Variants in HTR1F observed in about 807,000 individuals in gnomAD.
The protein encoded by HTR1F is 5-hydroxytryptamine (serotonin) receptor 1F, G protein-coupled.
HTR1F carries 17 observed loss-of-function variants against 24.0 expected under a neutral mutation model. The observed-to-expected ratio is 0.71, with a 90% CI of 0.48 to 1.06. The LOEUF is 1.06. Ranked by LOEUF, HTR1F falls within the 50% of genes least tolerant of loss-of-function variation. The pLI is 0.00. For synonymous variants in HTR1F, 186 were observed against 156.8 expected (o/e 1.19, Z -1.39); for missense variants, 391 against 427.8 (o/e 0.91, Z 0.76).
At chr3:87,934,315 G>A (rs1704359028) in intron 2 of HTR1F, among the ~76,000 whole-genome samples, 1 of 152,200 alleles carries the variant, frequency 6.6e-6, no homozygotes, top group Non-Finnish European at 1.5e-5. Context: ...CACTGTTGGT[G>A]TTCCACCTTA....
At chr3:87,990,125 G>T (rs899243295) in intron 2 of HTR1F, among the ~76,000 whole-genome samples, 4 of 152,060 alleles carry the variant, frequency 2.6e-5, no homozygotes, top group African/African-American at 9.7e-5. Flanking sequence ...AAACTTGTTC[G>T]TGGAGTTTCT....
At chr3:87,830,988 AGAAG>A (rs1704561774) in intron 2 of HTR1F, among the ~76,000 whole-genome samples, 1 of 152,212 alleles carries the variant, frequency 6.6e-6, no homozygotes, top group Non-Finnish European at 1.5e-5. Flanking sequence ...GTTCCATGAA[AGAAG>A]GGACTGTGTC....
chr3:87,895,483 C>A (rs932501064), intron 2 of HTR1F, among the ~76,000 whole-genome samples: 33 of 151,990 alleles, frequency 2.2e-4, no homozygotes, highest in Non-Finnish European at 4.3e-4. Flanking sequence ...GATACCAACT[C>A]TCTGTTGGGT....
intron 2 of HTR1F, among the ~76,000 whole-genome samples, chr3:87,938,319 C>T (rs1704478461): frequency 6.6e-6 from 1 of 152,164 alleles, no homozygotes. Flanking sequence ...ACATTCCACG[C>T]TCATGGGTAT....
chr3:87,907,477 T>C (rs778158962), intron 2 of HTR1F, among the ~76,000 whole-genome samples: 1 of 152,014 alleles, frequency 6.6e-6, no homozygotes, highest in Non-Finnish European at 1.5e-5. Context: ...TTAACATAGC[T>C]ATGTTTTCAT....
intron 2 of HTR1F, among the ~76,000 whole-genome samples, chr3:87,917,981 G>A (rs1480721956): frequency 6.6e-6 from 1 of 151,902 alleles, no homozygotes; most frequent in Admixed American, 6.6e-5. Flanking sequence ...ACAAAATACT[G>A]TCTAACGAAT....
chr3:87,916,751 G>A (rs569968603), intron 2 of HTR1F, among the ~76,000 whole-genome samples: 2 of 152,056 alleles, frequency 1.3e-5, no homozygotes, highest in Non-Finnish European at 2.9e-5. Context: ...CCTAAGCAAT[G>A]AGATAGCAGC....
intron 2 of HTR1F, among the ~76,000 whole-genome samples, chr3:87,855,298 A>G (rs1371167191): frequency 3.3e-5 from 5 of 152,034 alleles, no homozygotes; most frequent in Non-Finnish European, 7.4e-5. Context: ...GAACATGAAG[A>G]CCTGAGGAAC....
chr3:87,806,229 A>G (rs112393490), intron 1 of HTR1F, among the ~76,000 whole-genome samples: 52 of 152,196 alleles, frequency 3.4e-4, no homozygotes, highest in African/African-American at 1.2e-3. Flanking sequence ...AAGTACAAGT[A>G]TGCTTTGATA....
intron 2 of HTR1F, among the ~76,000 whole-genome samples, chr3:87,862,913 T>A (rs574313283): frequency 6.6e-6 from 1 of 152,208 alleles, no homozygotes; most frequent in East Asian, 1.9e-4. Flanking sequence ...GCCTCCTAGA[T>A]TCAACCGATT....
chr3:87,981,519 A>T (rs1175676296), intron 2 of HTR1F, among the ~76,000 whole-genome samples: 2 of 152,146 alleles, frequency 1.3e-5, no homozygotes, highest in Non-Finnish European at 2.9e-5. Context: ...TATTCACAGT[A>T]GTTGGTAGTC....
intron 2 of HTR1F, among the ~76,000 whole-genome samples, chr3:87,937,318 A>G (rs978881822): frequency 2.0e-5 from 3 of 152,204 alleles, no homozygotes; most frequent in African/African-American, 7.2e-5. Context: ...GGTACAATAT[A>G]CACAAATCAA....
At chr3:87,827,958 ACT>A (rs1000688515) in intron 2 of HTR1F, among the ~76,000 whole-genome samples, 7 of 152,016 alleles carry the variant, frequency 4.6e-5, no homozygotes, top group African/African-American at 1.7e-4. Context: ...GATCTTCATC[ACT>A]CAGTTAAGGG....
At chr3:87,882,673 G>A (rs1192870646) in intron 2 of HTR1F, among the ~76,000 whole-genome samples, 2 of 145,090 alleles carry the variant, frequency 1.4e-5, no homozygotes, top group Non-Finnish European at 3.0e-5. Context: ...TATGGACACA[G>A]GAAGGGGAAC....
chr3:87,810,709 T>C (rs891664894), intron 1 of HTR1F, among the ~76,000 whole-genome samples: 29 of 152,188 alleles, frequency 1.9e-4, no homozygotes, highest in African/African-American at 7.0e-4. Flanking sequence ...TAAAAATGGC[T>C]CAGTTGTTTC....
chr3:87,937,516 A>G (rs572309750), intron 2 of HTR1F, among the ~76,000 whole-genome samples: 2 of 152,330 alleles, frequency 1.3e-5, no homozygotes, highest in East Asian at 3.9e-4. Flanking sequence ...ATCATACCAA[A>G]TGGGCAAAAG....
intron 1 of HTR1F, among the ~76,000 whole-genome samples, chr3:87,817,526 C>T (rs1447624115): frequency 1.3e-5 from 2 of 152,166 alleles, no homozygotes; most frequent in Admixed American, 6.5e-5. Context: ...TGCATTTTAG[C>T]TAGCAAAACA....
chr3:87,891,951 C>T (rs1407716117), intron 2 of HTR1F, among the ~76,000 whole-genome samples: 1 of 152,152 alleles, frequency 6.6e-6, no homozygotes, highest in East Asian at 1.9e-4. Context: ...GCTCATGTTC[C>T]TGTTGAGCTG....
chr3:87,860,119 T>A (rs1222557732), intron 2 of HTR1F, among the ~76,000 whole-genome samples: 1 of 152,220 alleles, frequency 6.6e-6, no homozygotes, highest in Non-Finnish European at 1.5e-5. Flanking sequence ...TATAGAATTT[T>A]GCTGAGAAAT....
Sources: allele counts gnomAD v4.1 joint callset (sites outside exome capture counted in the v4.1 genomes callset), GRCh38; gene constraint gnomAD v4.1.1; transcripts MANE v1.5; gene names NCBI Gene and HGNC (gene_info 2026-07-23, HGNC 2026-07-21).